The following SFXN5 variants were observed in gnomAD, a reference collection of about 807,000 sequenced individuals.
The protein encoded by SFXN5 is sideroflexin-5.
Under a neutral mutation model 50.2 loss-of-function variants are expected in SFXN5, and 43 were observed. The ratio of observed to expected loss-of-function variants is 0.86; its 90% confidence interval spans 0.67 to 1.11. The LOEUF is 1.11. SFXN5 is among the 50% of genes least tolerant of loss of function. The pLI is 0.00. For synonymous variants in SFXN5, 203 were observed against 185.8 expected (o/e 1.09, Z -0.75); for missense variants, 463 against 454.1 (o/e 1.02, Z -0.18).
At chr2:73,023,518 TAA>T (rs1299587366) in intron 3 of SFXN5, among the ~76,000 whole-genome samples, 15 of 152,336 alleles carry the variant, frequency 9.8e-5, no homozygotes, top group Admixed American at 1.3e-4. Context: ...AGCATTTTCC[TAA>T]AGCTCCCTAG....
intron 9 of SFXN5, among the ~76,000 whole-genome samples, chr2:72,995,409 G>A (rs1243262392): frequency 3.9e-5 from 6 of 152,212 alleles, no homozygotes; most frequent in Admixed American, 6.5e-5. Flanking sequence ...TCCCACCCTG[G>A]TGGTCCTGCA....
At chr2:72,970,692 C>T (rs1675054707) in intron 11 of SFXN5, among the ~76,000 whole-genome samples, 2 of 150,972 alleles carry the variant, frequency 1.3e-5, no homozygotes, top group South Asian at 4.2e-4. Context: ...TCATGGACTG[C>T]GTTTTTTTTT....
intron 2 of SFXN5, among the ~76,000 whole-genome samples, chr2:73,048,026 A>G (rs1680739515): frequency 6.6e-6 from 1 of 152,254 alleles, no homozygotes; most frequent in Non-Finnish European, 1.5e-5. Context: ...ACATTTCATG[A>G]CATGAAAAAC....
chr2:73,008,752 G>A (rs568481679), intron 6 of SFXN5, among the ~76,000 whole-genome samples: 3 of 152,184 alleles, frequency 2.0e-5, no homozygotes, highest in Non-Finnish European at 4.4e-5. Flanking sequence ...GCATAGCCGC[G>A]GTGCTTATGT....
intron 13 of SFXN5, among the ~76,000 whole-genome samples, chr2:72,952,929 C>G (rs555132926): frequency 6.6e-6 from 1 of 152,314 alleles, no homozygotes; most frequent in East Asian, 1.9e-4. Flanking sequence ...GTATTAATGC[C>G]TTTAATGGAA....
chr2:73,047,245 AATATATATAT>A lies in SFXN5; in HGVS notation c.172-6324_172-6315del, dbSNP rs1167103035. 4.9e-3 allele frequency among the ~76,000 whole-genome samples: 93 copies of A among 18,906 alleles called. 2 individuals are homozygous for A. Among genetic ancestry groups the A allele is most frequent in the African/African-American group, 0.014 (90 of 6,290 alleles). The allele number at this position is 18,906 out of a possible 152,430, so 12.4% of individuals were successfully genotyped here. On this transcript the variant is annotated intron_variant, in intron 2 of 13. Coordinates refer to ENST00000272433, the MANE Select transcript of SFXN5 (RefSeq NM_144579.3). The stretch of plus-strand genomic sequence containing the variant: ...AAAAAAAAAAAAAAAAAAAAAAAAA[AATATATATAT>A]ATATATATATATATATATATACACA...
chr2:72,993,065 T>C (rs1228142391), intron 9 of SFXN5, among the ~76,000 whole-genome samples: 1 of 152,136 alleles, frequency 6.6e-6, no homozygotes, highest in Non-Finnish European at 1.5e-5. Flanking sequence ...CAGACGACAG[T>C]CTACAGACTC....
intron 9 of SFXN5, chr2:72,997,144 G>A (rs947909999): frequency 6.6e-6 from 1 of 152,184 alleles, no homozygotes; most frequent in African/African-American, 2.4e-5. Flanking sequence ...AAGACATAAG[G>A]ATTTGGGAAA....
chr2:73,052,356 ATGCGTGTGTGTGT>A (rs1681459554), intron 2 of SFXN5, among the ~76,000 whole-genome samples: 1 of 74,534 alleles, frequency 1.3e-5, no homozygotes, highest in African/African-American at 7.9e-5. Context: ...GTGTGTGTGT[ATGCGTGTGTGTGT>A]GTGTGTGTGT....
At chr2:73,003,796 T>C (rs1174547206) in intron 6 of SFXN5, among the ~76,000 whole-genome samples, 2 of 152,222 alleles carry the variant, frequency 1.3e-5, no homozygotes, top group African/African-American at 4.8e-5. Flanking sequence ...ATTTGGGCTA[T>C]GTACCACACA....
In SFXN5 at chr2:72,998,955, G is replaced by GGAGA. The variant is rs1463657610; in HGVS notation, c.524_527dup (p.Ile177LeufsTer7). 1 of 1,613,948 alleles carries GGAGA rather than the reference G, an allele frequency of 6.2e-7. No individual in the cohort carries two copies. Among genetic ancestry groups the GGAGA allele is most frequent in the African/African-American group, 1.3e-5 (1 of 74,940 alleles). On this transcript the variant is annotated frameshift_variant, in exon 9 of 14. Transcript: ENST00000272433. LOFTEE classifies it high-confidence loss of function. ...CAGGGGAGGGAGTACTCACAGCAATGGAGACGGCGCTGATGACAGCTCCCA... is the reference window on the plus strand; with the variant it reads ...CAGGGGAGGGAGTACTCACAGCAATGGAGAGAGACGGCGCTGATGACAGCTCCCA...
chr2:73,028,749 C>T (rs760458540), intron 3 of SFXN5, among the ~76,000 whole-genome samples: 2 of 152,052 alleles, frequency 1.3e-5, no homozygotes, highest in South Asian at 4.1e-4. Flanking sequence ...AGTGAGCCTA[C>T]ACATGCATAC....
intron 2 of SFXN5, among the ~76,000 whole-genome samples, chr2:73,041,976 C>T (rs761194090): frequency 6.6e-6 from 1 of 152,186 alleles, no homozygotes; most frequent in African/African-American, 2.4e-5. Flanking sequence ...GCTGAGACTA[C>T]AGGTGTGAGC....
intron 4 of SFXN5, among the ~76,000 whole-genome samples, chr2:73,022,950 G>A (rs1175526128): frequency 2.0e-5 from 3 of 152,190 alleles, no homozygotes; most frequent in African/African-American, 7.2e-5. Context: ...TGTGGACAGA[G>A]CCCTGTCTCT....
rs1163515932 is a variant in SFXN5, at chr2:72,960,685, G to A, written c.945+446C>T. Among the ~76,000 whole-genome samples, 1 of 152,168 alleles carries A rather than the reference G, an allele frequency of 6.6e-6. No individual in the cohort carries two copies. The highest frequency in any genetic ancestry group is 1.5e-5 in the Non-Finnish European group (1 of 68,028). On this transcript the variant is annotated intron_variant, in intron 13 of 13. Transcript: ENST00000272433. This position sits in a 1 kb window ranked among gnomAD's most constrained non-coding sequence, Gnocchi z 6.1. ...CATTCCCAGGCCACATCACCTTGCT[G>A]CACTCCCTGGTTGCGCTGCAGACTT...
At chr2:72,959,377 T>G (rs1673455356) in intron 13 of SFXN5, among the ~76,000 whole-genome samples, 2 of 151,862 alleles carry the variant, frequency 1.3e-5, no homozygotes. Context: ...TGGCCCTCCC[T>G]GTACTGGCCC....
At chr2:73,071,459 G>A in intron 1 of SFXN5, 145 bp downstream of exon 1, 2 of 695,160 alleles carry the variant, frequency 2.9e-6, no homozygotes, top group Non-Finnish European at 4.7e-6. Flanking sequence ...AAGGGTGACT[G>A]TGACCGAGGT....
At chr2:73,013,598 C>T (rs1469637061) in intron 6 of SFXN5, among the ~76,000 whole-genome samples, 1 of 151,960 alleles carries the variant, frequency 6.6e-6, no homozygotes, top group Non-Finnish European at 1.5e-5. Flanking sequence ...ATAAACCTTT[C>T]TCAGAATATT....
At chr2:72,982,816 TG>T (rs1412549479) in intron 10 of SFXN5, among the ~76,000 whole-genome samples, 1 of 152,158 alleles carries the variant, frequency 6.6e-6, no homozygotes, top group Non-Finnish European at 1.5e-5. Context: ...TGCAAAGGCC[TG>T]GGGCCCGGCA....
Sources: gnomAD v4.1 joint callset for allele counts (sites outside exome capture counted in the v4.1 genomes callset) on GRCh38, gnomAD v4.1.1 for gene constraint, Gnocchi (gnomAD v3.1) non-coding constraint, MANE v1.5 for transcripts, NCBI Gene and HGNC (gene_info 2026-07-23, HGNC 2026-07-21) for gene names.